Variants in CADPS observed in about 807,000 individuals in gnomAD.
The protein encoded by CADPS is calcium dependent secretion activator.
Under a neutral mutation model 167.3 loss-of-function variants are expected in CADPS, and 57 were observed. The ratio of observed to expected loss-of-function variants is 0.34; its 90% CI spans 0.28 to 0.42. CADPS has a LOEUF of 0.42. Among genes scored for constraint, CADPS ranks in the 20% least tolerant of loss-of-function variants. CADPS has a pLI of 1.00. For missense variants in CADPS, 1,414 were observed against 1,738.1 expected (o/e 0.81, Z 3.32); for synonymous variants, 676 against 635.3 (o/e 1.06, Z -0.96).
chr3:62,641,410 T>C (rs1465018497), intron 6 of CADPS, among the ~76,000 whole-genome samples: 1 of 152,184 alleles, frequency 6.6e-6, no homozygotes, highest in African/African-American at 2.4e-5. Context: ...ACATAATCTC[T>C]GTTCTTAGTA....
At chr3:62,582,699 T>G in intron 8 of CADPS, among the ~76,000 whole-genome samples, 1 of 152,338 alleles carries the variant, frequency 6.6e-6, no homozygotes, top group African/African-American at 2.4e-5. Flanking sequence ...CAGAGCTATT[T>G]TAAGCTCTCT....
intron 10 of CADPS, chr3:62,550,736 A>G (rs887332901): frequency 4.4e-6 from 2 of 452,708 alleles, no homozygotes; most frequent in African/African-American, 4.0e-5. Flanking sequence ...CTGCTGCCCC[A>G]CTGAAACTTG....
rs142784700 is a variant in CADPS at position 62,874,657 on chromosome 3, C to T, written c.373G>A (p.Val125Met). The T allele has an allele frequency of 3.8e-6, 6 of 1,558,810 alleles. No individual in the cohort carries two copies. Among genetic ancestry groups the T allele is most frequent in the African/African-American group, 2.7e-5 (2 of 73,580 alleles). The change falls in exon 1 of 30, where the codon GTG becomes ATG. Residue 125 changes from valine (V) to methionine (M), a missense_variant. By Grantham distance (21) the Val-to-Met change is conservative. Around this residue, in one of 6 missense-constraint regions of CADPS, gnomAD observed 522 missense variants for 559.5 expected, o/e 0.93. Coordinates refer to ENST00000383710, the MANE Select transcript of CADPS (RefSeq NM_003716.4). This position sits in a 1 kb window ranked among gnomAD's most constrained non-coding sequence, Gnocchi z 7.1. ...AAGGGGTAGGCGATGCAGCGCATCA[C>T]GAACACATACAGCTGCAGCCTCTTC... Reference protein sequence around the residue: ...RKKRLQLYVFVMRCIAYPFNA... With the variant: ...RKKRLQLYVFMMRCIAYPFNA...
At chr3:62,406,438 T>G (rs1258001272) in intron 28 of CADPS, among the ~76,000 whole-genome samples, 1 of 152,210 alleles carries the variant, frequency 6.6e-6, no homozygotes, top group Non-Finnish European at 1.5e-5. Context: ...TAAAATATTT[T>G]AAGTGCTCCC....
intron 3 of CADPS, among the ~76,000 whole-genome samples, chr3:62,708,327 G>A (rs752000237): frequency 6.6e-6 from 1 of 152,008 alleles, no homozygotes; most frequent in Non-Finnish European, 1.5e-5. Flanking sequence ...CAGTATGCAC[G>A]TGTATATAGT....
chr3:62,725,983 G>C (rs191351923), intron 3 of CADPS, among the ~76,000 whole-genome samples: 40 of 151,924 alleles, frequency 2.6e-4, no homozygotes, highest in Non-Finnish European at 7.4e-5. Context: ...TTGGACACTA[G>C]GCTCATCACA....
chr3:62,481,921 A>G, intron 21 of CADPS, 52 bp from the exon 22 acceptor site: 1 of 1,548,284 alleles, frequency 6.5e-7, no homozygotes, highest in Non-Finnish European at 8.8e-7. Context: ...GACAATGCAG[A>G]TGTGGCAGAA....
At chr3:62,678,891 CA>C (rs1204015712) in intron 3 of CADPS, among the ~76,000 whole-genome samples, 1 of 151,900 alleles carries the variant, frequency 6.6e-6, no homozygotes, top group African/African-American at 2.4e-5. Flanking sequence ...GTCATCATTC[CA>C]ATGACTTTCC....
intron 4 of CADPS, among the ~76,000 whole-genome samples, chr3:62,655,259 T>C (rs1000241535): frequency 1.3e-5 from 2 of 152,150 alleles, no homozygotes; most frequent in South Asian, 2.1e-4. Flanking sequence ...GGCAGACCCA[T>C]TGCAAACACA....
intron 3 of CADPS, among the ~76,000 whole-genome samples, chr3:62,716,825 A>G (rs947272082): frequency 6.6e-6 from 1 of 152,186 alleles, no homozygotes; most frequent in Non-Finnish European, 1.5e-5. Context: ...CAAGATCTTG[A>G]AAAGCTAGTG....
intron 9 of CADPS, among the ~76,000 whole-genome samples, chr3:62,558,278 C>G (rs1016680638): frequency 6.6e-6 from 1 of 152,352 alleles, no homozygotes; most frequent in Non-Finnish European, 1.5e-5. Context: ...ACTCTACCAA[C>G]ACAAACCATG....
intron 3 of CADPS, among the ~76,000 whole-genome samples, chr3:62,670,863 T>C (rs1468584655): frequency 6.6e-6 from 1 of 152,172 alleles, no homozygotes; most frequent in Non-Finnish European, 1.5e-5. Flanking sequence ...GAAGCCCTCC[T>C]TGATTACTTT....
chr3:62,454,826 A>C (rs1048074225), intron 26 of CADPS, among the ~76,000 whole-genome samples: 2 of 152,100 alleles, frequency 1.3e-5, no homozygotes, highest in Admixed American at 6.5e-5. Context: ...GCTTCTGTGC[A>C]TGTTCATAAA....
At chr3:62,662,166 A>T in intron 4 of CADPS, 148 bp downstream of exon 4, 1 of 684,626 alleles carries the variant, frequency 1.5e-6, no homozygotes. Context: ...TTGAGAAAGG[A>T]GGGCTGAGGG....
At chr3:62,518,015 G>A in intron 14 of CADPS, 134 bp downstream of exon 14, 1 of 682,060 alleles carries the variant, frequency 1.5e-6, no homozygotes, top group Non-Finnish European at 2.6e-6. Flanking sequence ...TGATTGATTT[G>A]CTTGTTCTAC....
chr3:62,808,922 C>T (rs1240726364), intron 1 of CADPS, among the ~76,000 whole-genome samples: 1 of 152,090 alleles, frequency 6.6e-6, no homozygotes, highest in African/African-American at 2.4e-5. Context: ...CCTCCTCCAA[C>T]TCTTCCTCCT....
In CADPS at chr3:62,465,411, T is replaced by G. The variant is rs1371425239; in HGVS notation, c.3592A>C (p.Arg1198=). The G allele has an allele frequency of 6.2e-7, 1 of 1,610,752 alleles. No individual in the cohort carries two copies. The change falls in exon 26 of 30, where the codon AGA becomes CGA. Residue 1198 remains arginine, a synonymous_variant. Coordinates refer to ENST00000383710, the MANE Select transcript of CADPS (RefSeq NM_003716.4). The surrounding 1 kb of genome is among the most constrained non-coding windows in gnomAD (Gnocchi z 4.1). Reference sequence around the variant, plus strand: ...GAAAACAAAGTCCCTTCGTCATATCTGGATAATTTTGCCAGCACTCCTTCC... The same window carrying G: ...GAAAACAAAGTCCCTTCGTCATATCGGGATAATTTTGCCAGCACTCCTTCC... ...ILEGVLAKLS[R]YDEGTLFSSF...
chr3:62,712,477 A>C (rs183467017), intron 3 of CADPS, among the ~76,000 whole-genome samples: 1 of 152,096 alleles, frequency 6.6e-6, no homozygotes, highest in African/African-American at 2.4e-5. Context: ...TGCTTGTTGC[A>C]TGTTTGTACT....
chr3:62,601,220 T>G lies in CADPS; in HGVS notation c.1326-8472A>C, dbSNP rs1354295143. Among the ~76,000 whole-genome samples, 5 of 152,182 alleles carry G rather than the reference T, an allele frequency of 3.3e-5. No homozygotes were observed. Among genetic ancestry groups the G allele is most frequent in the African/African-American group, 1.2e-4 (5 of 41,444 alleles). On this transcript the variant is annotated intron_variant, in intron 6 of 29. Transcript: ENST00000383710. This position sits in a 1 kb window ranked among gnomAD's most constrained non-coding sequence, Gnocchi z 4.3. ...AAGGAATATTTGCAACACATGAATA[T>G]TATATGAAATTCAAATTTTGATGCC...
Sources: gnomAD v4.1 joint callset for allele counts (sites outside exome capture counted in the v4.1 genomes callset) on GRCh38, gnomAD v4.1.1 for gene constraint, gnomAD v4.1.1 regional missense constraint, Gnocchi (gnomAD v3.1) non-coding constraint, MANE v1.5 for transcripts, NCBI Gene and HGNC (gene_info 2026-07-23, HGNC 2026-07-21) for gene names.